Variants in METTL15 observed in about 807,000 individuals in gnomAD.
METTL15 encodes 12S rRNA N(4)-cytidine methyltransferase METTL15.
Under a neutral mutation model 38.3 loss-of-function variants are expected in METTL15, and 34 were observed. The observed-to-expected ratio is 0.89, with a 90% CI of 0.68 to 1.18. The LOEUF (loss-of-function observed/expected upper bound fraction) is 1.18, where lower values mean the gene tolerates loss of function less well. Among genes scored for constraint, METTL15 ranks in the 50% most tolerant of loss-of-function variants. The pLI, the probability that METTL15 is intolerant of heterozygous loss-of-function variation, is 0.00. For synonymous variants in METTL15, 162 were observed against 170.9 expected (o/e 0.95, Z 0.41); for missense variants, 438 against 498.4 (o/e 0.88, Z 1.15).
At chr11:28,255,659 G>C (rs1854941892) in intron 4 of METTL15, among the ~76,000 whole-genome samples, 4 of 152,144 alleles carry the variant, frequency 2.6e-5, no homozygotes, top group African/African-American at 9.7e-5. Context: ...TATTATAAAG[G>C]TATATTGAAT....
At chr11:28,285,365 T>C (rs1336291111) in intron 4 of METTL15, among the ~76,000 whole-genome samples, 2 of 149,952 alleles carry the variant, frequency 1.3e-5, no homozygotes, top group East Asian at 3.9e-4. Context: ...TCATGAGATT[T>C]TTTTTTTTTT....
chr11:28,210,094 G>T (rs1311492136), intron 3 of METTL15, among the ~76,000 whole-genome samples: 1 of 151,914 alleles, frequency 6.6e-6, no homozygotes, highest in Non-Finnish European at 1.5e-5. Context: ...TATGATCCAG[G>T]TCTGGTTGCT....
chr11:28,112,914 A>G (rs1433744889), intron 2 of METTL15, among the ~76,000 whole-genome samples: 1 of 152,190 alleles, frequency 6.6e-6, no homozygotes, highest in Non-Finnish European at 1.5e-5. Flanking sequence ...AATACTTTTA[A>G]TCCGTTCAGT....
intron 3 of METTL15, among the ~76,000 whole-genome samples, chr11:28,143,651 C>T (rs538973628): frequency 1.3e-5 from 2 of 152,094 alleles, no homozygotes; most frequent in Non-Finnish European, 1.5e-5. Context: ...GCCAGATGTT[C>T]CTTTGATGCC....
chr11:28,338,075 C>CTT (rs112039826), downstream of METTL15, among the ~76,000 whole-genome samples: 29 of 142,506 alleles, frequency 2.0e-4, 1 homozygote, highest in African/African-American at 4.8e-4. Flanking sequence ...ATCTTTGCTT[C>CTT]TTTTTTTTTT....
Position 28,219,864 on chromosome 11 carries a change from A to G in METTL15, c.407+8666A>G, listed in dbSNP as rs1004192825. ...AGGTTGTTCAGTTTCCATGTAGTTG[A>G]GTGGTTTTGAGTGAGTTTCTTAATC... On this transcript the variant is annotated intron_variant, in intron 4 of 6. Coordinates refer to ENST00000407364, the MANE Select transcript of METTL15 (RefSeq NM_001113528.2). 2.0e-5 allele frequency among the ~76,000 whole-genome samples: 3 copies of G among 151,962 alleles called. No individual in the cohort carries two copies. In the East Asian group the frequency reaches 5.8e-4, roughly 29 times the overall value.
rs532241265 is a variant in METTL15, at chr11:28,214,815, T to C, written c.407+3617T>C. Among the ~76,000 whole-genome samples the C allele has an allele frequency of 4.6e-5, 7 of 152,300 alleles. No homozygotes were observed. In the South Asian group the frequency reaches 1.2e-3, roughly 27 times the overall value. On this transcript the variant is annotated intron_variant, in intron 4 of 6. Transcript: ENST00000407364. ...AATAGTTAAAAACTCCAAATACTTA[T>C]AAAATTAGTAAGATGATAAGATGTT... is the stretch of plus-strand genomic sequence containing the variant.
At chr11:28,292,617 G>A (rs563662521) in intron 5 of METTL15, among the ~76,000 whole-genome samples, 1 of 152,158 alleles carries the variant, frequency 6.6e-6, no homozygotes, top group Non-Finnish European at 1.5e-5. Context: ...AGTTCTAGAT[G>A]CCTGAGGAAT....
intron 4 of METTL15, among the ~76,000 whole-genome samples, chr11:28,223,179 T>A (rs1194980088): frequency 6.6e-5 from 10 of 152,118 alleles, no homozygotes; most frequent in Admixed American, 6.5e-4. Flanking sequence ...ATCGCTTGTG[T>A]ATATATAATC....
intron 4 of METTL15, among the ~76,000 whole-genome samples, chr11:28,226,008 C>T (rs899120936): frequency 6.6e-6 from 1 of 151,812 alleles, no homozygotes; most frequent in Non-Finnish European, 1.5e-5. Flanking sequence ...AGTTTTAATT[C>T]AGCTAATTAG....
chr11:28,120,282 C>T (rs2133604672), intron 3 of METTL15, among the ~76,000 whole-genome samples: 1 of 144,988 alleles, frequency 6.9e-6, no homozygotes, highest in South Asian at 2.2e-4. Context: ...TAAGAAAAAA[C>T]TTAAAATTTC....
chr11:28,141,187 T>TA (rs1849687255), intron 3 of METTL15, among the ~76,000 whole-genome samples: 1 of 151,990 alleles, frequency 6.6e-6, no homozygotes, highest in South Asian at 2.1e-4. Context: ...AGGGAATAGG[T>TA]ATTGCTGATT....
At chr11:28,125,795 T>C (rs1565109334) in intron 3 of METTL15, 1 of 152,112 alleles carries the variant, frequency 6.6e-6, no homozygotes, top group Non-Finnish European at 1.5e-5. Flanking sequence ...TCTTCTAAAA[T>C]CTTATTTTTC....
At chr11:28,132,588 G>A (rs1456339919) in intron 3 of METTL15, among the ~76,000 whole-genome samples, 1 of 151,892 alleles carries the variant, frequency 6.6e-6, no homozygotes, top group Non-Finnish European at 1.5e-5. Flanking sequence ...GTCTTGCGGA[G>A]GGTTTCTTCC....
intron 4 of METTL15, among the ~76,000 whole-genome samples, chr11:28,268,951 G>T (rs1214167771): frequency 1.3e-5 from 2 of 152,112 alleles, no homozygotes; most frequent in Admixed American, 6.5e-5. Context: ...TTGAAATTTA[G>T]AAAGCTAGGC....
chr11:28,194,059 G>C (rs1490650722), intron 3 of METTL15, among the ~76,000 whole-genome samples: 1 of 151,748 alleles, frequency 6.6e-6, no homozygotes. Context: ...CTCCAAAATA[G>C]CTCTGTCATT....
intron 3 of METTL15, among the ~76,000 whole-genome samples, chr11:28,119,468 G>T (rs1197790596): frequency 2.0e-5 from 3 of 152,148 alleles, no homozygotes; most frequent in African/African-American, 7.2e-5. Context: ...AGTATGGCAG[G>T]CCAGGTCTGA....
Position 28,163,780 on chromosome 11 carries a change from T to C in METTL15, c.271-47282T>C, listed in dbSNP as rs572327849. The C allele has an allele frequency of 1.4e-5, 3 of 211,716 alleles. No individual in the cohort carries two copies. The East Asian group carries it at 2.9e-4, about 20-fold the overall frequency. 13.1% of individuals were successfully genotyped at this position (211,716 alleles called of 1,614,324 possible). A position where few individuals can be genotyped will look rare whatever the true frequency, so the allele number is the denominator to read the frequency against. ...TTTTAAGTCCTTTTTTTCTGTAGCC[T>C]GGAAGCTTTTTCTTTGATCATTAAA... On this transcript the variant is annotated intron_variant, in intron 3 of 6. Transcript: ENST00000407364.
intron 5 of METTL15, among the ~76,000 whole-genome samples, chr11:28,393,692 T>C (rs1850536460): frequency 6.6e-6 from 1 of 152,112 alleles, no homozygotes; most frequent in Non-Finnish European, 1.5e-5. Context: ...GCAGAAGCCA[T>C]AATGCCTTTT....
Sources: allele counts gnomAD v4.1 joint callset (sites outside exome capture counted in the v4.1 genomes callset), GRCh38; gene constraint gnomAD v4.1.1; transcripts MANE v1.5; gene names NCBI Gene and HGNC (gene_info 2026-07-23, HGNC 2026-07-21).